The following FBN1 variants were observed in gnomAD, a reference collection of about 807,000 sequenced individuals.
FBN1 encodes fibrillin-1.
Under a neutral mutation model 365.1 loss-of-function variants are expected in FBN1, and 29 were observed. That is an observed-to-expected ratio of 0.08 (90% confidence interval 0.06 to 0.11). FBN1 has a LOEUF of 0.11. Ranked by LOEUF, FBN1 falls within the 10% of genes least tolerant of loss-of-function variation. The pLI is 1.00. For missense variants in FBN1, 2,476 were observed against 3,703.2 expected (o/e 0.67, Z 8.60); for synonymous variants, 1,210 against 1,270.5 (o/e 0.95, Z 1.01).
intron 6 of FBN1, among the ~76,000 whole-genome samples, chr15:48,595,943 G>A (rs2044512059): frequency 6.6e-6 from 1 of 152,102 alleles, no homozygotes; most frequent in African/African-American, 2.4e-5. Context: ...TTAATTCACT[G>A]GCATAATAAA....
intron 35 of FBN1, among the ~76,000 whole-genome samples, chr15:48,471,947 A>G (rs1186705583): frequency 6.6e-6 from 1 of 152,232 alleles, no homozygotes; most frequent in African/African-American, 2.4e-5. Context: ...GACAGAGCCT[A>G]AAGCTGAGCG....
chr15:48,421,506 G>A, intron 62 of FBN1, 52 bp downstream of exon 62: 2 of 1,600,408 alleles, frequency 1.2e-6, no homozygotes. Flanking sequence ...AGCCACACAG[G>A]CCACCTCCAC....
intron 6 of FBN1, among the ~76,000 whole-genome samples, chr15:48,575,146 C>A (rs1001464288): frequency 2.6e-5 from 4 of 152,092 alleles, no homozygotes; most frequent in African/African-American, 9.7e-5. Flanking sequence ...CAGAGATGGC[C>A]CCTGCCCACA....
intron 14 of FBN1, among the ~76,000 whole-genome samples, chr15:48,509,436 TAA>T (rs2043740171): frequency 6.8e-6 from 1 of 147,900 alleles, no homozygotes; most frequent in African/African-American, 2.4e-5. Context: ...TAGATATATA[TAA>T]TATATATATT....
At chr15:48,608,317 C>T (rs1028050317) in intron 4 of FBN1, among the ~76,000 whole-genome samples, 1 of 152,120 alleles carries the variant, frequency 6.6e-6, no homozygotes, top group African/African-American at 2.4e-5. Context: ...AGGAAAAATT[C>T]GTTCAGTGAT....
At chr15:48,542,435 A>G (rs1316157442) in intron 6 of FBN1, among the ~76,000 whole-genome samples, 1 of 152,150 alleles carries the variant, frequency 6.6e-6, no homozygotes, top group Admixed American at 6.5e-5. Context: ...TCTCCCAGGT[A>G]GGTTGGCCTG....
intron 6 of FBN1, among the ~76,000 whole-genome samples, chr15:48,544,900 G>A (rs2044083631): frequency 6.6e-6 from 1 of 152,028 alleles, no homozygotes; most frequent in Non-Finnish European, 1.5e-5. Flanking sequence ...CATAGTTTGG[G>A]TGACATATTT....
intron 6 of FBN1, among the ~76,000 whole-genome samples, chr15:48,542,781 ATGTGTGTGTGTGTGTGTG>A (rs58728910): frequency 0.08 from 10,465 of 130,654 alleles, 418 homozygotes; most frequent in Middle Eastern, 0.17. Flanking sequence ...GGACTCTAAG[ATGTGTGTGTGTGTGTGTG>A]TGTGTGTGTG....
At position 48,617,096 on chromosome 15, in the gene FBN1, A is replaced by G. The variant is rs147743971; in HGVS notation, c.165-4004T>C. On this transcript the variant is annotated intron_variant, in intron 2 of 65. Coordinates refer to ENST00000316623, the MANE Select transcript of FBN1 (RefSeq NM_000138.5). ...TTCATCCAGTAGTATTCATGGTGACATAAGTAACACAAATCACAGAATGTC... is the reference window on the plus strand; with the variant it reads ...TTCATCCAGTAGTATTCATGGTGACGTAAGTAACACAAATCACAGAATGTC... Among the ~76,000 whole-genome samples, 7 of 152,358 alleles carry G rather than the reference A, an allele frequency of 4.6e-5. No individual in the cohort carries two copies. In the East Asian group the frequency reaches 1.2e-3, roughly 25 times the overall value.
intron 6 of FBN1, among the ~76,000 whole-genome samples, chr15:48,562,958 C>T (rs527391047): frequency 1.3e-5 from 2 of 152,224 alleles, no homozygotes; most frequent in South Asian, 4.1e-4. Flanking sequence ...ATGTTTTTAT[C>T]TATTTGTAAA....
In FBN1 at chr15:48,410,777, A is replaced by G; in HGVS notation, c.*213T>C. 1.8e-6 allele frequency: 1 copy of G among 565,200 alleles called. No homozygotes were observed. 35.0% of individuals were successfully genotyped at this position (565,200 alleles called of 1,614,324 possible). On this transcript the variant is annotated 3_prime_UTR_variant, in exon 66 of 66. Coordinates refer to ENST00000316623, the MANE Select transcript of FBN1 (RefSeq NM_000138.5). ...ATCAACACATATGACAAGGTAGCTT[A>G]GCTACACACATGAGAAGCCTGAGAA...
intron 34 of FBN1, 23 bp downstream of exon 34, chr15:48,474,232 A>G (rs140636): frequency 6.2e-7 from 1 of 1,614,004 alleles, no homozygotes; most frequent in East Asian, 2.2e-5. Context: ...GTGTTGACAC[A>G]GTTGTTTCCA....
intron 47 of FBN1, among the ~76,000 whole-genome samples, chr15:48,446,110 A>G (rs971771769): frequency 3.3e-5 from 5 of 152,148 alleles, no homozygotes; most frequent in African/African-American, 1.2e-4. Context: ...TTTGAAATTT[A>G]TTTAATTTAC....
intron 60 of FBN1, among the ~76,000 whole-genome samples, chr15:48,424,894 G>A (rs562664412): frequency 1.3e-5 from 2 of 152,280 alleles, no homozygotes; most frequent in South Asian, 2.1e-4. Context: ...CTACAGGGCA[G>A]AAATAGACTT....
intron 64 of FBN1, among the ~76,000 whole-genome samples, chr15:48,414,266 C>T (rs534868651): frequency 2.1e-4 from 32 of 152,286 alleles, no homozygotes; most frequent in African/African-American, 7.0e-4. Flanking sequence ...TGATTGCTGG[C>T]ATTCTGTGTG....
intron 18 of FBN1, among the ~76,000 whole-genome samples, chr15:48,497,985 C>G (rs2043622100): frequency 6.6e-6 from 1 of 152,186 alleles, no homozygotes; most frequent in South Asian, 2.1e-4. Context: ...ATTTACAGGT[C>G]AAAAGCCAGC....
intron 46 of FBN1, among the ~76,000 whole-genome samples, chr15:48,447,270 A>C (rs1382101229): frequency 2.0e-5 from 3 of 152,086 alleles, no homozygotes; most frequent in African/African-American, 7.2e-5. Flanking sequence ...TTACCCCACA[A>C]TCAGCAACAA....
chr15:48,456,400 T>C (rs957874796), intron 44 of FBN1, among the ~76,000 whole-genome samples: 6 of 152,228 alleles, frequency 3.9e-5, no homozygotes, highest in African/African-American at 2.4e-5. Context: ...AGTCTAATAT[T>C]AACACACTGT....
intron 20 of FBN1, 99 bp from the exon 21 acceptor site, chr15:48,495,687 C>T: frequency 2.7e-6 from 4 of 1,468,588 alleles, no homozygotes; most frequent in Non-Finnish European, 2.9e-6. Context: ...ATCCTTAATC[C>T]CACACAGTAA....
Sources: allele counts gnomAD v4.1 joint callset (sites outside exome capture counted in the v4.1 genomes callset), GRCh38; gene constraint gnomAD v4.1.1; transcripts MANE v1.5; gene names NCBI Gene and HGNC (gene_info 2026-07-23, HGNC 2026-07-21).